Variants in MYH3 observed in about 807,000 individuals in gnomAD.
MYH3 encodes the protein myosin-3.
A neutral mutation model predicts 238.0 loss-of-function variants in MYH3; 130 were observed. The ratio of observed to expected loss-of-function variants is 0.55; its 90% CI spans 0.47 to 0.63. The LOEUF (loss-of-function observed/expected upper bound fraction) is 0.63. MYH3 is among the 30% of genes least tolerant of loss of function. MYH3 has a pLI of 0.00. For synonymous variants in MYH3, 880 were observed against 924.1 expected, an observed-to-expected ratio of 0.95 and a Z score of 0.86; for missense variants, 1,853 against 2,374.9, an observed-to-expected ratio of 0.78 and a Z score of 4.57.
upstream of MYH3, among the ~76,000 whole-genome samples, chr17:10,660,909 C>G (rs1167766225): frequency 6.6e-6 from 1 of 150,698 alleles, no homozygotes; most frequent in Non-Finnish European, 1.5e-5. Context: ...TGCTTGAACC[C>G]AGGAGGCAGA....
chr17:10,644,578 T>G lies in MYH3; in HGVS notation c.1260+6A>C, dbSNP rs1287025964. 1 of 1,613,706 alleles carries G rather than the reference T, an allele frequency of 6.2e-7. No individual in the cohort carries two copies. The highest frequency in any genetic ancestry group is 1.1e-5 in the South Asian group (1 of 91,070). The stretch of plus-strand genomic sequence containing the variant: ...CTGCACCCTTTCCCGGCCTTGAAGC[T>G]GTTACCTGATCCACAGTTTGACCTT... On this transcript the variant is annotated splice_donor_region_variant and intron_variant, in intron 13 of 40. Coordinates refer to ENST00000583535, the MANE Select transcript of MYH3 (RefSeq NM_002470.4).
At position 10,632,587 on chromosome 17, in the gene MYH3, G is replaced by C; in HGVS notation, c.4845C>G (p.Leu1615=). 6.2e-7 allele frequency: 1 copy of C among 1,614,106 alleles called. No homozygotes were observed. Among genetic ancestry groups the C allele is most frequent in the South Asian group, 1.1e-5 (1 of 91,074 alleles). Residue 1615 remains leucine, a synonymous_variant, in exon 34 of 41, where the codon CTC becomes CTG. Transcript: ENST00000583535. The stretch of plus-strand genomic sequence containing the variant: ...TCAGGTCCCCCTCCATCTTCTTCTT[G>C]AGCCGGATGGCTTCATTCCTGCTCC... ...EVRSRNEAIR[L]KKKMEGDLNE... is the part of the protein sequence containing the mutation.
chr17:10,638,499 A>G (rs1299291767), intron 26 of MYH3, 67 bp from the exon 27 acceptor site: 22 of 1,591,470 alleles, frequency 1.4e-5, no homozygotes, highest in East Asian at 2.2e-5. Context: ...TGCCAAGAAC[A>G]GGCTGGTTTC....
chr17:10,667,102 T>C, the MYH3 span, among the ~76,000 whole-genome samples: 3 of 152,168 alleles, frequency 2.0e-5, no homozygotes, highest in Non-Finnish European at 4.4e-5. Flanking sequence ...ACACACACAC[T>C]CACACTTTTC....
chr17:10,639,491 A>G lies in MYH3; in HGVS notation c.2926-17T>C. The G allele has an allele frequency of 6.2e-7, 1 of 1,614,088 alleles. No homozygotes were observed. Among genetic ancestry groups the G allele is most frequent in the East Asian group, 2.2e-5 (1 of 44,888 alleles). The stretch of plus-strand genomic sequence containing the variant: ...GTTTTTAACCTAAGAAGAATTCGCA[A>G]GCAATTATAAGCTTAAAGTTTAGTT... On this transcript the variant is annotated splice_polypyrimidine_tract_variant and intron_variant, in intron 23 of 40. Coordinates refer to ENST00000583535, the MANE Select transcript of MYH3 (RefSeq NM_002470.4).
chr17:10,640,528 G>A (rs373419908), intron 20 of MYH3, 35 bp downstream of exon 20: 10 of 1,614,106 alleles, frequency 6.2e-6, no homozygotes, highest in Admixed American at 3.3e-5. Flanking sequence ...TCAAGAGGAC[G>A]AAAAGGCCAG....
At chr17:10,664,219 C>T in the MYH3 span, among the ~76,000 whole-genome samples, 1 of 152,102 alleles carries the variant, frequency 6.6e-6, no homozygotes, top group Admixed American at 6.6e-5. Context: ...AGCACATTTT[C>T]GTCTCTGCTC....
At chr17:10,643,580 T>C (rs2074293318) in intron 14 of MYH3, among the ~76,000 whole-genome samples, 2 of 152,064 alleles carry the variant, frequency 1.3e-5, no homozygotes, top group Admixed American at 1.3e-4. Context: ...TTCACCATGT[T>C]GGCCAGGATG....
chr17:10,655,103 C>T, intron 2 of MYH3, 31 bp from the exon 3 acceptor site: 2 of 1,586,348 alleles, frequency 1.3e-6, no homozygotes, highest in Non-Finnish European at 1.7e-6. Context: ...GTGAGCTCAG[C>T]AGCCCCCTTG....
Position 10,652,561 on chromosome 17 carries a change from G to C in MYH3, c.207C>G (p.Thr69=), listed in dbSNP as rs1358533074. 19 of 1,590,990 alleles carry C rather than the reference G, an allele frequency of 1.2e-5. No individual in the cohort carries two copies. Among genetic ancestry groups the C allele is most frequent in the Non-Finnish European group, 1.6e-5 (19 of 1,165,562 alleles). Residue 69 remains threonine (T), a splice_region_variant and synonymous_variant, in exon 4 of 41, where the codon ACC becomes ACG. Coordinates refer to ENST00000583535, the MANE Select transcript of MYH3 (RefSeq NM_002470.4). ...KVTVETEDNR[T]LVVKPEDVYA... ...ACACATCCTCTGGTTTGACCACCAGGGTCTAAAAAGGAAGAGGCACAGTGC... is the reference window on the plus strand; with the variant it reads ...ACACATCCTCTGGTTTGACCACCAGCGTCTAAAAAGGAAGAGGCACAGTGC...
At chr17:10,662,997 G>C in the MYH3 span, among the ~76,000 whole-genome samples, 1 of 152,082 alleles carries the variant, frequency 6.6e-6, no homozygotes, top group African/African-American at 2.4e-5. Flanking sequence ...TGAGGCAGGA[G>C]AATCACTTGA....
upstream of MYH3, among the ~76,000 whole-genome samples, chr17:10,662,117 G>C (rs1338812316): frequency 6.6e-6 from 1 of 151,834 alleles, no homozygotes; most frequent in Non-Finnish European, 1.5e-5. Flanking sequence ...GGCCTCCCAG[G>C]TTCAAGTGAT....
chr17:10,649,822 C>A (rs1167777287), intron 6 of MYH3, 137 bp from the exon 7 acceptor site: 1 of 804,962 alleles, frequency 1.2e-6, no homozygotes, highest in Non-Finnish European at 2.1e-6. Flanking sequence ...TGACAGACCA[C>A]TTGAGAAGGC....
In MYH3 at chr17:10,652,440, AACGGTCCTTCAGGTTGTACAGC is replaced by A; in HGVS notation, c.306_327del (p.Leu103ThrfsTer5). On this transcript the variant is annotated frameshift_variant, in exon 4 of 41. Transcript: ENST00000583535. LOFTEE classifies it high-confidence loss of function. The stretch of plus-strand genomic sequence containing the variant: ...CTGACATAGATCATCCAAGATGTGT[AACGGTCCTTCAGGTTGTACAGC>A]ACGGCTGGCTCATTCAGGTGCGTCA... 1 of 1,614,062 alleles carries A rather than the reference AACGGTCCTTCAGGTTGTACAGC, an allele frequency of 6.2e-7. No individual in the cohort carries two copies. The highest frequency in any genetic ancestry group is 2.2e-5 in the East Asian group (1 of 44,850).
In MYH3 at chr17:10,643,075, C is replaced by T; in HGVS notation, c.1411-79G>A. Reference sequence around the variant, plus strand: ...AGACTGTCAACATTCCTCCTCATTGCCCCAGGTTCCTGTCAAACACATTAA... The same window carrying T: ...AGACTGTCAACATTCCTCCTCATTGTCCCAGGTTCCTGTCAAACACATTAA... On this transcript the variant is annotated intron_variant, in intron 14 of 40. Transcript: ENST00000583535. The T allele has an allele frequency of 2.5e-6, 4 of 1,610,732 alleles. No homozygotes were observed. The South Asian group carries it at 3.3e-5, about 13-fold the overall frequency.
At chr17:10,652,140 G>A (rs1453187168) in intron 4 of MYH3, 4 of 490,710 alleles carry the variant, frequency 8.2e-6, no homozygotes, top group Middle Eastern at 5.9e-4. Flanking sequence ...AAAGGGGAGT[G>A]GCGACCCTCC....
chr17:10,667,356 T>TATCC, the MYH3 span, among the ~76,000 whole-genome samples: 1 of 152,182 alleles, frequency 6.6e-6, no homozygotes, highest in African/African-American at 2.4e-5. Context: ...AATTATGTTA[T>TATCC]ATCCACATGA....
rs1205148748 is a variant in MYH3 at position 10,630,497 on chromosome 17, C to T, written c.5287-39G>A. ...GGGACTTGCTAGGATGCAGAGGAAG[C>T]TCCAGTGCCTTGGAACTGTCAAAAC... On this transcript the variant is annotated intron_variant, in intron 36 of 40. Transcript: ENST00000583535. The T allele has an allele frequency of 1.9e-6, 3 of 1,613,516 alleles. No individual in the cohort carries two copies. The South Asian group carries it at 3.3e-5, about 18-fold the overall frequency.
At chr17:10,661,633 C>T (rs1261275882), upstream of MYH3, among the ~76,000 whole-genome samples, 1 of 152,186 alleles carries the variant, frequency 6.6e-6, no homozygotes, top group Non-Finnish European at 1.5e-5. Context: ...CCCCCTTCTT[C>T]ACGATGCTCG....
Sources: allele counts gnomAD v4.1 joint callset (sites outside exome capture counted in the v4.1 genomes callset), GRCh38; gene constraint gnomAD v4.1.1; transcripts MANE v1.5; gene names NCBI Gene and HGNC (gene_info 2026-07-23, HGNC 2026-07-21).